CCDC73: variants seen among roughly 807,000 people sequenced by gnomAD.
CCDC73 encodes coiled-coil domain containing 73.
Under a neutral mutation model 116.5 loss-of-function variants are expected in CCDC73, and 95 were observed. The observed-to-expected ratio is 0.82, with a 90% CI of 0.69 to 0.97. CCDC73 has a LOEUF of 0.97. Among genes scored for constraint, CCDC73 ranks in the 50% least tolerant of loss-of-function variants. The probability of loss-of-function intolerance (pLI) is 0.00; values close to 1 mark genes in which losing one functional copy is unlikely to be tolerated. For synonymous variants in CCDC73, 398 were observed against 401.3 expected (o/e 0.99, Z 0.10); for missense variants, 1,066 against 1,206.8 (o/e 0.88, Z 1.73).
intron 1 of CCDC73, among the ~76,000 whole-genome samples, chr11:32,793,115 A>G (rs1283909891): frequency 6.6e-6 from 1 of 152,200 alleles, no homozygotes; most frequent in Non-Finnish European, 1.5e-5. Flanking sequence ...TCCTGACACT[A>G]CGATATGAAG....
At chr11:32,728,472 G>A (rs1048750192) in intron 2 of CCDC73, among the ~76,000 whole-genome samples, 1 of 151,948 alleles carries the variant, frequency 6.6e-6, no homozygotes, top group Non-Finnish European at 1.5e-5. Context: ...GCCCAGCCCT[G>A]AAATAGGTCA....
chr11:32,704,891 G>C (rs113065854), intron 3 of CCDC73, among the ~76,000 whole-genome samples: 2,578 of 152,344 alleles, frequency 0.017, 75 homozygotes, highest in African/African-American at 0.057. Context: ...TCTCCACTGA[G>C]AGCTGTTTGG....
intron 9 of CCDC73, among the ~76,000 whole-genome samples, chr11:32,655,735 G>A (rs186490085): frequency 6.9e-4 from 105 of 152,194 alleles, no homozygotes; most frequent in African/African-American, 2.3e-3. Flanking sequence ...AACCACTGAA[G>A]GATTCTGAGT....
chr11:32,637,757 T>A (rs1355781150), intron 13 of CCDC73, among the ~76,000 whole-genome samples: 1 of 152,068 alleles, frequency 6.6e-6, no homozygotes, highest in African/African-American at 2.4e-5. Context: ...TCTTAAGCAC[T>A]CTTCCTTCAA....
intron 6 of CCDC73, among the ~76,000 whole-genome samples, chr11:32,689,301 A>G (rs1427361936): frequency 1.3e-5 from 2 of 152,174 alleles, no homozygotes; most frequent in East Asian, 3.8e-4. Context: ...TGAGGCTCAG[A>G]ACAGAAGCAA....
intron 2 of CCDC73, among the ~76,000 whole-genome samples, chr11:32,733,024 A>G (rs1850094030): frequency 6.6e-6 from 1 of 152,218 alleles, no homozygotes; most frequent in Non-Finnish European, 1.5e-5. Context: ...CAGGAGACCC[A>G]TCTCACGTGC....
At chr11:32,609,128 G>A (rs1027166715) in intron 17 of CCDC73, among the ~76,000 whole-genome samples, 1 of 152,114 alleles carries the variant, frequency 6.6e-6, no homozygotes, top group Non-Finnish European at 1.5e-5. Flanking sequence ...TGTTACTTAT[G>A]CATATTTCAC....
At chr11:32,735,413 A>G (rs1850119793) in intron 2 of CCDC73, among the ~76,000 whole-genome samples, 1 of 152,208 alleles carries the variant, frequency 6.6e-6, no homozygotes, top group African/African-American at 2.4e-5. Context: ...ACTCCCATTC[A>G]CAGTTGCTTC....
chr11:32,703,012 C>G, intron 3 of CCDC73, 68 bp from the exon 4 acceptor site: 2 of 1,035,142 alleles, frequency 1.9e-6, no homozygotes, highest in Non-Finnish European at 3.1e-6. Context: ...TAAATCTTAA[C>G]TAGGTTCACA....
At chr11:32,619,108 G>C (rs1451315573) in intron 14 of CCDC73, among the ~76,000 whole-genome samples, 6 of 152,014 alleles carry the variant, frequency 3.9e-5, no homozygotes, top group African/African-American at 1.2e-4. Flanking sequence ...TGTTTGCATG[G>C]GTTGTCTATT....
intron 1 of CCDC73, among the ~76,000 whole-genome samples, chr11:32,789,286 T>C (rs576614225): frequency 6.6e-6 from 1 of 152,260 alleles, no homozygotes; most frequent in African/African-American, 2.4e-5. Flanking sequence ...TCACTGAGTT[T>C]CCAAAGAGAT....
chr11:32,657,684 G>A (rs879488892), intron 9 of CCDC73, among the ~76,000 whole-genome samples: 2 of 152,040 alleles, frequency 1.3e-5, no homozygotes, highest in African/African-American at 4.8e-5. Flanking sequence ...TATTTTACCA[G>A]CTCCCTCCCT....
intron 1 of CCDC73, among the ~76,000 whole-genome samples, chr11:32,760,998 T>C (rs1312888045): frequency 6.6e-6 from 1 of 152,230 alleles, no homozygotes. Flanking sequence ...TGTGTATATA[T>C]GCTTTTGGCA....
At chr11:32,673,409 T>C (rs552210901) in intron 9 of CCDC73, among the ~76,000 whole-genome samples, 1 of 152,174 alleles carries the variant, frequency 6.6e-6, no homozygotes, top group Non-Finnish European at 1.5e-5. Context: ...TATATTAAAT[T>C]ATATTAAAAT....
chr11:32,689,008 C>T (rs1362740260), intron 6 of CCDC73, among the ~76,000 whole-genome samples: 1 of 152,002 alleles, frequency 6.6e-6, no homozygotes, highest in Non-Finnish European at 1.5e-5. Flanking sequence ...TCCATGTGGG[C>T]ACAAAGCCAA....
At chr11:32,762,748 C>T (rs1802883475) in intron 1 of CCDC73, among the ~76,000 whole-genome samples, 2 of 152,092 alleles carry the variant, frequency 1.3e-5, no homozygotes, top group African/African-American at 4.8e-5. Context: ...CTCACTGGGG[C>T]ATGTCAGACA....
At chr11:32,693,654 C>T (rs935935965) in intron 6 of CCDC73, among the ~76,000 whole-genome samples, 1 of 152,056 alleles carries the variant, frequency 6.6e-6, no homozygotes, top group African/African-American at 2.4e-5. Context: ...AACATCGATG[C>T]AAAAATCCTC....
intron 9 of CCDC73, among the ~76,000 whole-genome samples, chr11:32,672,997 T>C (rs1227117704): frequency 1.3e-5 from 2 of 152,180 alleles, no homozygotes; most frequent in African/African-American, 2.4e-5. Context: ...ATAATATTAA[T>C]GGTCTTCAAA....
chr11:32,644,631 ACAGG>A (rs1216884657), intron 12 of CCDC73, among the ~76,000 whole-genome samples: 1 of 152,188 alleles, frequency 6.6e-6, no homozygotes, highest in Non-Finnish European at 1.5e-5. Context: ...AATCCATTAA[ACAGG>A]AGCTCCCATT....
Sources: gnomAD v4.1 joint callset for allele counts (sites outside exome capture counted in the v4.1 genomes callset) on GRCh38, gnomAD v4.1.1 for gene constraint, MANE v1.5 for transcripts, NCBI Gene and HGNC (gene_info 2026-07-23, HGNC 2026-07-21) for gene names.